COL4A6: variants seen among roughly 807,000 people sequenced by gnomAD.
COL4A6 encodes the protein collagen alpha-6(IV) chain.
COL4A6 carries 59 observed loss-of-function variants against 126.7 expected under a neutral mutation model. That is an observed-to-expected ratio of 0.47 (90% confidence interval 0.38 to 0.58). COL4A6 has a LOEUF of 0.58. COL4A6 is among the 20% of genes least tolerant of loss of function. The pLI, the probability that COL4A6 is intolerant of heterozygous loss-of-function variation, is 0.00. For missense variants in COL4A6, 1,285 were observed against 1,337.3 expected, an observed-to-expected ratio of 0.96 and a Z score of 0.61; for synonymous variants, 547 against 496.6, an observed-to-expected ratio of 1.10 and a Z score of -1.35.
At chrX:108,419,892 A>G (rs2148266884) in intron 2 of COL4A6, among the ~76,000 whole-genome samples, 1 of 112,445 alleles carries the variant, frequency 8.9e-6, no homozygotes, top group East Asian at 2.8e-4. Flanking sequence ...TGAGCAAAAA[A>G]AGACCATGGT....
At chrX:108,325,092 A>G (rs1426381648) in intron 2 of COL4A6, among the ~76,000 whole-genome samples, 1 of 112,162 alleles carries the variant, frequency 8.9e-6, no homozygotes, top group Non-Finnish European at 1.9e-5. Flanking sequence ...GGCAGAAAAT[A>G]GAAACAAGTC....
chrX:108,203,433 T>C (rs907550341), intron 12 of COL4A6, among the ~76,000 whole-genome samples: 7 of 112,224 alleles, frequency 6.2e-5, no homozygotes, highest in Non-Finnish European at 1.1e-4. Context: ...ATACGTGCCA[T>C]GGAAAAGCTC....
intron 3 of COL4A6, among the ~76,000 whole-genome samples, chrX:108,304,831 C>T (rs1011343901): frequency 8.9e-6 from 1 of 111,920 alleles, no homozygotes; most frequent in East Asian, 2.8e-4. Flanking sequence ...GTGAAAATGA[C>T]TGCCCCAGCT....
At chrX:108,300,039 G>T (rs1296535868) in intron 3 of COL4A6, among the ~76,000 whole-genome samples, 1 of 111,514 alleles carries the variant, frequency 9.0e-6, no homozygotes, top group Non-Finnish European at 1.9e-5. Flanking sequence ...CTTTGAGTTG[G>T]TCTTTCTCCC....
chrX:108,344,550 G>A (rs1336639955), intron 2 of COL4A6, among the ~76,000 whole-genome samples: 1 of 111,574 alleles, frequency 9.0e-6, no homozygotes, highest in Non-Finnish European at 1.9e-5. Context: ...TTTTCCTGAT[G>A]TTTCAAAAAG....
At chrX:108,239,278 T>A (rs1203686969) in intron 3 of COL4A6, among the ~76,000 whole-genome samples, 1 of 112,402 alleles carries the variant, frequency 8.9e-6, no homozygotes, top group Non-Finnish European at 1.9e-5. Context: ...CTACACTATT[T>A]CAGGTTATAG....
intron 14 of COL4A6, among the ~76,000 whole-genome samples, chrX:108,195,569 G>A (rs754050414): frequency 8.9e-6 from 1 of 112,340 alleles, no homozygotes; most frequent in African/African-American, 3.2e-5. Context: ...ACCGTGCCTG[G>A]CCTAATGACT....
intron 2 of COL4A6, among the ~76,000 whole-genome samples, chrX:108,317,390 C>T (rs1013450751): frequency 1.1e-4 from 12 of 111,926 alleles, no homozygotes; most frequent in Non-Finnish European, 1.7e-4. Context: ...GAGGAGCTGG[C>T]TATGGAAGTC....
intron 3 of COL4A6, among the ~76,000 whole-genome samples, chrX:108,222,459 A>C (rs754688515): frequency 8.9e-6 from 1 of 112,008 alleles, no homozygotes; most frequent in Admixed American, 9.5e-5. Flanking sequence ...TTTACTGTTC[A>C]CCTTCAAGGC....
intron 2 of COL4A6, 41 bp downstream of exon 2, chrX:108,437,901 C>T: frequency 8.3e-7 from 1 of 1,203,089 alleles, no homozygotes; most frequent in Non-Finnish European, 1.1e-6. Flanking sequence ...GTTAGAGGGT[C>T]AAAGGAGGGG....
At chrX:108,280,659 C>A (rs1486326324) in intron 3 of COL4A6, among the ~76,000 whole-genome samples, 19 of 111,799 alleles carry the variant, frequency 1.7e-4, no homozygotes, top group East Asian at 2.8e-4. Context: ...CTAGCATCAT[C>A]CTGATACCAA....
chrX:108,426,056 C>T lies in COL4A6; in HGVS notation c.63+11886G>A, dbSNP rs1312140416. Among the ~76,000 whole-genome samples the T allele has an allele frequency of 9.9e-5, 11 of 111,337 alleles. No individual in the cohort carries two copies. In the East Asian group the frequency reaches 3.1e-3, roughly 31 times the overall value. ...TAGGTGCTAGACGGTATTTATGCAACTTAATCATATCTAAAAGACAATATA... is the reference window on the plus strand; with the variant it reads ...TAGGTGCTAGACGGTATTTATGCAATTTAATCATATCTAAAAGACAATATA... On this transcript the variant is annotated intron_variant, in intron 2 of 44. Coordinates refer to ENST00000334504, the MANE Select transcript of COL4A6 (RefSeq NM_033641.4).
intron 2 of COL4A6, among the ~76,000 whole-genome samples, chrX:108,351,786 A>T (rs1223778012): frequency 4.5e-5 from 5 of 111,515 alleles, no homozygotes; most frequent in African/African-American, 1.6e-4. Flanking sequence ...AAAAGAAAAA[A>T]CATCGAAGCT....
intron 2 of COL4A6, among the ~76,000 whole-genome samples, chrX:108,336,651 T>C (rs2039438304): frequency 9.0e-6 from 1 of 111,436 alleles, no homozygotes; most frequent in Non-Finnish European, 1.9e-5. Flanking sequence ...TATGTATATT[T>C]TACCACAATA....
At chrX:108,293,984 C>G (rs1467059729) in intron 3 of COL4A6, among the ~76,000 whole-genome samples, 3 of 112,289 alleles carry the variant, frequency 2.7e-5, no homozygotes, top group Non-Finnish European at 5.6e-5. Context: ...GACAAGTACT[C>G]TATAATTCCA....
At chrX:108,321,013 T>C (rs1469656476) in intron 2 of COL4A6, among the ~76,000 whole-genome samples, 2 of 112,043 alleles carry the variant, frequency 1.8e-5, no homozygotes, top group African/African-American at 6.5e-5. Context: ...GGAAATCCTT[T>C]AAGCCTCAAT....
At chrX:108,417,571 C>T (rs1320762764) in intron 2 of COL4A6, among the ~76,000 whole-genome samples, 1 of 111,679 alleles carries the variant, frequency 9.0e-6, no homozygotes, top group Non-Finnish European at 1.9e-5. Context: ...AGTCTGGAGC[C>T]TTCTTTCTAC....
intron 2 of COL4A6, among the ~76,000 whole-genome samples, chrX:108,374,506 A>T (rs975895513): frequency 1.8e-5 from 2 of 112,141 alleles, no homozygotes; most frequent in African/African-American, 6.5e-5. Context: ...ACATTTTAGT[A>T]TTCAAAGGTA....
chrX:108,159,328 T>C lies in COL4A6; in HGVS notation c.4812+134A>G. On this transcript the variant is annotated intron_variant, in intron 44 of 44. Coordinates refer to ENST00000334504, the MANE Select transcript of COL4A6 (RefSeq NM_033641.4). ...TCATGCAGAACTGGGTTCTCCATTC[T>C]TTAGCCAAGCCCAGTCCAAGCATTT... is the stretch of plus-strand genomic sequence containing the variant. 3 of 781,281 alleles carry C rather than the reference T, an allele frequency of 3.8e-6. No individual in the cohort carries two copies. In the South Asian group the frequency reaches 8.1e-5, roughly 21 times the overall value. The allele number at this position is 781,281 out of a possible 1,213,427, so 64.4% of individuals were successfully genotyped here.
Sources: allele counts gnomAD v4.1 joint callset (sites outside exome capture counted in the v4.1 genomes callset), GRCh38; gene constraint gnomAD v4.1.1; transcripts MANE v1.5; gene names NCBI Gene and HGNC (gene_info 2026-07-23, HGNC 2026-07-21).